PHACTR1: variants seen among roughly 807,000 people sequenced by gnomAD.
PHACTR1 encodes phosphatase and actin regulator 1.
A neutral mutation model predicts 69.2 loss-of-function variants in PHACTR1; 16 were observed. That is an observed-to-expected ratio of 0.23 (90% CI 0.16 to 0.35). The LOEUF (loss-of-function observed/expected upper bound fraction) is 0.35, where lower values mean the gene tolerates loss of function less well. PHACTR1 is among the 10% of genes least tolerant of loss of function. The pLI, the probability that PHACTR1 is intolerant of heterozygous loss-of-function variation, is 1.00. For synonymous variants in PHACTR1, 312 were observed against 284.5 expected (o/e 1.10, Z -0.97); for missense variants, 510 against 734.7 (o/e 0.69, Z 3.54).
chr6:13,046,915 T>C (rs1192612026), intron 4 of PHACTR1, among the ~76,000 whole-genome samples: 3 of 152,156 alleles, frequency 2.0e-5, no homozygotes, highest in Admixed American at 1.3e-4. Context: ...GTGTATGGCA[T>C]GACTTATTCT....
chr6:13,083,263 G>A (rs867023414), intron 5 of PHACTR1, among the ~76,000 whole-genome samples: 243 of 151,848 alleles, frequency 1.6e-3, no homozygotes, highest in Middle Eastern at 0.01. Flanking sequence ...GTAGATATGC[G>A]GCATTATTTC....
chr6:13,252,327 CAAAA>C (rs373475742), intron 10 of PHACTR1, among the ~76,000 whole-genome samples: 12,412 of 82,504 alleles, frequency 0.15, 730 homozygotes, highest in Admixed American at 0.34. Context: ...GATCCTGTCT[CAAAA>C]AAAAAAAAAA....
At chr6:13,131,668 C>T (rs1820490221) in intron 5 of PHACTR1, among the ~76,000 whole-genome samples, 1 of 152,086 alleles carries the variant, frequency 6.6e-6, no homozygotes, top group Non-Finnish European at 1.5e-5. Flanking sequence ...GTTCAAAATC[C>T]TGTTTAAATT....
At chr6:13,231,027 GAA>G (rs1770832168) in intron 10 of PHACTR1, among the ~76,000 whole-genome samples, 3 of 136,638 alleles carry the variant, frequency 2.2e-5, no homozygotes, top group African/African-American at 5.6e-5. Flanking sequence ...AGGAAAGAAA[GAA>G]AGAGAGAGAG....
chr6:13,156,489 A>G (rs1341084332), intron 5 of PHACTR1, among the ~76,000 whole-genome samples: 1 of 152,226 alleles, frequency 6.6e-6, no homozygotes, highest in Non-Finnish European at 1.5e-5. Context: ...ACTTTGAGTC[A>G]TACACTTGGA....
chr6:13,148,166 TTG>T (rs1451090002), intron 5 of PHACTR1, among the ~76,000 whole-genome samples: 3 of 151,474 alleles, frequency 2.0e-5, no homozygotes, highest in Non-Finnish European at 4.4e-5. Flanking sequence ...TAAGATTCAT[TTG>T]TGTGTTTACT....
intron 4 of PHACTR1, among the ~76,000 whole-genome samples, chr6:13,050,290 C>T (rs75311258): frequency 0.014 from 2,060 of 152,272 alleles, 23 homozygotes; most frequent in South Asian, 0.024. Context: ...CCACTCTCTT[C>T]AGCCATTCCA....
intron 7 of PHACTR1, among the ~76,000 whole-genome samples, chr6:13,203,941 G>C (rs1157939382): frequency 6.6e-6 from 1 of 152,180 alleles, no homozygotes; most frequent in Non-Finnish European, 1.5e-5. Context: ...AGCAGCTCTT[G>C]GGAGAATGGC....
intron 4 of PHACTR1, among the ~76,000 whole-genome samples, chr6:12,794,264 A>G (rs1323331763): frequency 6.6e-6 from 1 of 152,250 alleles, no homozygotes; most frequent in Non-Finnish European, 1.5e-5. Flanking sequence ...TGAACAGGTG[A>G]CTATGATACC....
intron 4 of PHACTR1, among the ~76,000 whole-genome samples, chr6:13,052,003 T>C (rs7775103): frequency 0.29 from 43,655 of 152,104 alleles, 7,107 homozygotes; most frequent in African/African-American, 0.44. Flanking sequence ...TAAACCTGTG[T>C]CCTCGCCTGT....
At chr6:13,112,712 T>C (rs1817225698) in intron 5 of PHACTR1, among the ~76,000 whole-genome samples, 1 of 152,222 alleles carries the variant, frequency 6.6e-6, no homozygotes, top group African/African-American at 2.4e-5. Flanking sequence ...TTGTCCACTT[T>C]TTAATGAGGT....
intron 4 of PHACTR1, among the ~76,000 whole-genome samples, chr6:13,046,482 C>G (rs1171377720): frequency 1.3e-5 from 2 of 152,042 alleles, no homozygotes; most frequent in African/African-American, 4.8e-5. Flanking sequence ...CGCAGAAGAG[C>G]CTGAAAGAAG....
rs139289665 is a variant in PHACTR1 at position 13,102,555 on chromosome 6, A to G, written c.415+49026A>G. 1.7e-3 allele frequency among the ~76,000 whole-genome samples: 263 copies of G among 152,290 alleles called. 1 individual carries two copies. The highest frequency in any genetic ancestry group is 6.2e-3 in the African/African-American group (258 of 41,556). On this transcript the variant is annotated intron_variant, in intron 5 of 14. Coordinates refer to ENST00000332995, the MANE Select transcript of PHACTR1 (RefSeq NM_030948.6). The stretch of plus-strand genomic sequence containing the variant: ...ACAGCAATTCCACTATGAATTGTGC[A>G]TATTTTGGTGTCAATTTTGGTGTGG...
intron 4 of PHACTR1, among the ~76,000 whole-genome samples, chr6:12,881,241 A>G (rs1783066769): frequency 6.6e-6 from 1 of 152,184 alleles, no homozygotes; most frequent in African/African-American, 2.4e-5. Flanking sequence ...GTGAATATTA[A>G]GGAAGAGGGC....
intron 4 of PHACTR1, among the ~76,000 whole-genome samples, chr6:12,998,503 C>T (rs1797690784): frequency 6.6e-6 from 1 of 151,260 alleles, no homozygotes; most frequent in Admixed American, 6.6e-5. Context: ...CTGGTCCCCA[C>T]TTACTCAAGA....
At chr6:12,821,672 A>C (rs1268712091) in intron 4 of PHACTR1, among the ~76,000 whole-genome samples, 1 of 152,182 alleles carries the variant, frequency 6.6e-6, no homozygotes, top group Non-Finnish European at 1.5e-5. Flanking sequence ...GAAAAAAATC[A>C]AGGTTTTTTA....
Position 13,286,225 on chromosome 6 carries a change from T to C in PHACTR1, c.1727+3T>C. The C allele has an allele frequency of 6.3e-7, 1 of 1,588,148 alleles. No homozygotes were observed. The highest frequency in any genetic ancestry group is 2.2e-5 in the East Asian group (1 of 44,568). ...GAATTGAGTAGACACTTAACAAGGT[T>C]AGTATTAAGGGTTTTTTTTTTCCTT... On this transcript the variant is annotated splice_donor_region_variant and intron_variant, in intron 14 of 14. Transcript: ENST00000332995.
chr6:13,210,008 T>C (rs1302829687), intron 8 of PHACTR1, among the ~76,000 whole-genome samples: 2 of 152,152 alleles, frequency 1.3e-5, no homozygotes, highest in East Asian at 3.8e-4. Context: ...TTACTTTTTA[T>C]TTATATTTTT....
intron 5 of PHACTR1, among the ~76,000 whole-genome samples, chr6:13,072,499 A>G (rs1167769153): frequency 6.7e-6 from 1 of 149,760 alleles, no homozygotes; most frequent in South Asian, 2.1e-4. Context: ...ATTTTTTCAT[A>G]ATAATTCCAC....
Sources: allele counts gnomAD v4.1 joint callset (sites outside exome capture counted in the v4.1 genomes callset), GRCh38; gene constraint gnomAD v4.1.1; transcripts MANE v1.5; gene names NCBI Gene and HGNC (gene_info 2026-07-23, HGNC 2026-07-21).